The following GPR135 variants were observed in gnomAD, a reference collection of about 807,000 sequenced individuals.
GPR135 encodes G-protein coupled receptor 135.
Under a neutral mutation model 15.0 loss-of-function variants are expected in GPR135, and 17 were observed. The ratio of observed to expected loss-of-function variants is 1.13; its 90% confidence interval spans 0.78 to 1.70. GPR135 has a LOEUF of 1.70. GPR135 is among the 40% of genes most tolerant of loss of function. The pLI is 0.00. For synonymous variants in GPR135, 368 were observed against 349.4 expected (o/e 1.05, Z -0.59); for missense variants, 776 against 727.0 (o/e 1.07, Z -0.78).
downstream of GPR135, among the ~76,000 whole-genome samples, chr14:59,458,589 A>T (rs1253133): frequency 0.022 from 3,288 of 151,864 alleles, 118 homozygotes; most frequent in African/African-American, 0.075. Context: ...ACTCTCTGAG[A>T]CATGGCTCTG....
At chr14:59,456,437 C>T (rs1888657436), downstream of GPR135, 1 of 152,192 alleles carries the variant, frequency 6.6e-6, no homozygotes, top group Non-Finnish European at 1.5e-5. Context: ...TCATGACTTA[C>T]CATTGGTTGT....
rs773281044 is a variant in GPR135, at chr14:59,464,312, G to T, written c.915C>A (p.Arg305=). 1 of 1,611,658 alleles carries T rather than the reference G, an allele frequency of 6.2e-7. No homozygotes were observed. Among genetic ancestry groups the T allele is most frequent in the Non-Finnish European group, 8.5e-7 (1 of 1,179,426 alleles). Residue 305 remains arginine, a synonymous_variant, in exon 1 of 1, where the codon CGC becomes CGA. Coordinates refer to ENST00000395116, the MANE Select transcript of GPR135 (RefSeq NM_022571.6). The stretch of plus-strand genomic sequence containing the variant: ...CCGGCCGCACGCGCACGTCCGACAG[G>T]CGCACCGTCTTGCAGATGTGGTAGT... The part of the protein sequence containing the change: ...FCHYHICKTV[R]LSDVRVRPVN...
At position 59,463,865 on chromosome 14, in the gene GPR135, T is replaced by C. The variant is rs1265783115; in HGVS notation, c.1362A>G (p.Ala454=). ...MSSSNPASGV[A]GDVAMWARKN... is the part of the protein sequence containing the mutation. The stretch of plus-strand genomic sequence containing the variant: ...TGCGGGCCCACATGGCCACGTCCCC[T>C]GCCACTCCGCTGGCCGGGTTGGAAG... The change falls in exon 1 of 1, where the codon GCA becomes GCG. Residue 454 remains alanine, a synonymous_variant. Coordinates refer to ENST00000395116, the MANE Select transcript of GPR135 (RefSeq NM_022571.6). 6.2e-7 allele frequency: 1 copy of C among 1,614,058 alleles called. No homozygotes were observed. The highest frequency in any genetic ancestry group is 8.5e-7 in the Non-Finnish European group (1 of 1,180,022).
chr14:59,464,280 G>T lies in GPR135; in HGVS notation c.947C>A (p.Thr316Asn), dbSNP rs1471542301. The stretch of plus-strand genomic sequence containing the variant: ...GAAGAAGCGCAGCACGCGCGCGTAG[G>T]TGTTCACCGGCCGCACGCGCACGTC... ...LSDVRVRPVN[T>N]YARVLRFFSE... Residue 316 changes from threonine to asparagine, a missense_variant, in exon 1 of 1, where the codon ACC becomes AAC. Thr to Asn is a moderately conservative substitution (Grantham distance 65). Coordinates refer to ENST00000395116, the MANE Select transcript of GPR135 (RefSeq NM_022571.6). 2.5e-6 allele frequency: 4 copies of T among 1,612,132 alleles called. No homozygotes were observed. Among genetic ancestry groups the T allele is most frequent in the East Asian group, 2.2e-5 (1 of 44,858 alleles).
Position 59,464,200 on chromosome 14 carries a change from A to C in GPR135, c.1027T>G (p.Cys343Gly), listed in dbSNP as rs755630618. Residue 343 changes from cysteine (C) to glycine (G), a missense_variant, in exon 1 of 1, where the codon TGC becomes GGC. Cys to Gly is a radical substitution (Grantham distance 159). Transcript: ENST00000395116. Reference protein sequence around the residue: ...VLIMIVFVICCWGPYCFLVLL... With the variant: ...VLIMIVFVICGWGPYCFLVLL... ...ACCAGGAAGCAGTAGGGCCCCCAGC[A>C]GCAGATGACGAAGACGATCATGATG... The C allele has an allele frequency of 2.5e-6, 4 of 1,610,608 alleles. No homozygotes were observed. The highest frequency in any genetic ancestry group is 3.4e-6 in the Non-Finnish European group (4 of 1,179,864).
In GPR135 at chr14:59,462,839, A is replaced by G. The variant is rs1888917702; in HGVS notation, c.*903T>C. On this transcript the variant is annotated 3_prime_UTR_variant, in exon 1 of 1. Coordinates refer to ENST00000395116, the MANE Select transcript of GPR135 (RefSeq NM_022571.6). Reference sequence around the variant, plus strand: ...TTCAATCAACTTGACTTCAAATTACATTTTTGGCTATATCCAAAAATCAAA... The same window carrying G: ...TTCAATCAACTTGACTTCAAATTACGTTTTTGGCTATATCCAAAAATCAAA... The G allele has an allele frequency of 6.6e-6, 1 of 152,220 alleles. No homozygotes were observed. The highest frequency in any genetic ancestry group is 2.4e-5 in the African/African-American group (1 of 41,474). 9.4% of individuals were successfully genotyped at this position (152,220 alleles called of 1,614,324 possible).
At chr14:59,457,894 T>A (rs1306055180), downstream of GPR135, among the ~76,000 whole-genome samples, 1 of 152,212 alleles carries the variant, frequency 6.6e-6, no homozygotes, top group Non-Finnish European at 1.5e-5. Flanking sequence ...ATGTCTCATA[T>A]ATTTATTGCT....
chr14:59,457,038 G>A (rs1287931488), downstream of GPR135, among the ~76,000 whole-genome samples: 2 of 152,168 alleles, frequency 1.3e-5, no homozygotes, highest in Non-Finnish European at 2.9e-5. Flanking sequence ...GTAGGCAAGA[G>A]ACTTTTAATG....
Position 59,465,080 on chromosome 14 carries a change from G to A in GPR135, c.147C>T (p.Thr49=), listed in dbSNP as rs907462422. 22 of 1,375,672 alleles carry A rather than the reference G, an allele frequency of 1.6e-5. No homozygotes were observed. The highest frequency in any genetic ancestry group is 1.7e-5 in the South Asian group (1 of 57,786). The allele number at this position is 1,375,672 out of a possible 1,614,324, so 85.2% of individuals were successfully genotyped here. The change falls in exon 1 of 1, where the codon ACC becomes ACT. Residue 49 remains threonine, a synonymous_variant. Coordinates refer to ENST00000395116, the MANE Select transcript of GPR135 (RefSeq NM_022571.6). ...CGTCGCTCAGGTTCCCCAGCGCCGCGGTCGCCACGGTGCTGAAGGAGAGCA... is the reference window on the plus strand; with the variant it reads ...CGTCGCTCAGGTTCCCCAGCGCCGCAGTCGCCACGGTGCTGAAGGAGAGCA... The part of the protein sequence containing the change: ...AAVLSFSTVA[T]AALGNLSDAS...
At chr14:59,457,445 A>T (rs1174396648), downstream of GPR135, among the ~76,000 whole-genome samples, 1 of 152,116 alleles carries the variant, frequency 6.6e-6, no homozygotes, top group East Asian at 1.9e-4. Context: ...TAGTCACATT[A>T]CACATATATT....
chr14:59,454,443 C>T (rs1888586508), intron 6 of GPR135, among the ~76,000 whole-genome samples: 1 of 152,060 alleles, frequency 6.6e-6, no homozygotes, highest in South Asian at 2.1e-4. Context: ...CATTTGTGAC[C>T]TATTCTGTGA....
downstream of GPR135, chr14:59,460,701 T>G (rs1888822963): frequency 6.6e-6 from 1 of 152,236 alleles, no homozygotes; most frequent in Admixed American, 6.5e-5. Flanking sequence ...CTGTTATTAT[T>G]TCCACCCAAA....
chr14:59,456,874 G>GA (rs1485743815), downstream of GPR135, among the ~76,000 whole-genome samples: 2 of 151,936 alleles, frequency 1.3e-5, no homozygotes, highest in Admixed American at 6.6e-5. Flanking sequence ...ATTGTTAAAT[G>GA]AAAAAAATCA....
chr14:59,452,991 C>T (rs991709179), intron 6 of GPR135, among the ~76,000 whole-genome samples: 9 of 152,158 alleles, frequency 5.9e-5, no homozygotes, highest in African/African-American at 1.9e-4. Flanking sequence ...AGGCTTCCTA[C>T]GGTATGATTC....
At chr14:59,460,666 C>T (rs1239106256), downstream of GPR135, 1 of 152,194 alleles carries the variant, frequency 6.6e-6, no homozygotes, top group East Asian at 1.9e-4. Flanking sequence ...GCTAATGCAC[C>T]TACTATACAG....
chr14:59,464,267 C>A lies in GPR135; in HGVS notation c.960G>T (p.Val320=), dbSNP rs1366876210. 4 of 1,612,090 alleles carry A rather than the reference C, an allele frequency of 2.5e-6. No homozygotes were observed. Among genetic ancestry groups the A allele is most frequent in the Non-Finnish European group, 3.4e-6 (4 of 1,179,908 alleles). ...TGCGCACCTCGCTGAAGAAGCGCAGCACGCGCGCGTAGGTGTTCACCGGCC... is the reference window on the plus strand; with the variant it reads ...TGCGCACCTCGCTGAAGAAGCGCAGAACGCGCGCGTAGGTGTTCACCGGCC... ...RVRPVNTYAR[V]LRFFSEVRTA... The change falls in exon 1 of 1, where the codon GTG becomes GTT. Residue 320 remains valine (V), a synonymous_variant. Coordinates refer to ENST00000395116, the MANE Select transcript of GPR135 (RefSeq NM_022571.6).
chr14:59,460,914 T>G lies in GPR135; in HGVS notation c.*2828A>C, dbSNP rs1355420067. The G allele has an allele frequency of 6.6e-6, 1 of 152,228 alleles. No individual in the cohort carries two copies. The highest frequency in any genetic ancestry group is 1.5e-5 in the Non-Finnish European group (1 of 68,034). 9.4% of individuals were successfully genotyped at this position (152,228 alleles called of 1,614,324 possible). On this transcript the variant is annotated 3_prime_UTR_variant, in exon 1 of 1. Coordinates refer to ENST00000395116, the MANE Select transcript of GPR135 (RefSeq NM_022571.6). ...TTTGAGAATCATTCTTTCTTCACCT[T>G]TTGAGGTATTGATTGTCTAAGTATT...
chr14:59,457,404 T>G (rs112722112), downstream of GPR135, among the ~76,000 whole-genome samples: 313 of 152,272 alleles, frequency 2.1e-3, 1 homozygote, highest in African/African-American at 6.7e-3. Context: ...TTCAAATACT[T>G]TTTCTGCTCT....
downstream of GPR135, among the ~76,000 whole-genome samples, chr14:59,458,634 T>C (rs1888747740): frequency 1.3e-5 from 2 of 151,794 alleles, no homozygotes; most frequent in Non-Finnish European, 2.9e-5. Context: ...CTGCTTCTTT[T>C]GGAATGGTTG....
Sources: allele counts gnomAD v4.1 joint callset (sites outside exome capture counted in the v4.1 genomes callset), GRCh38; gene constraint gnomAD v4.1.1; transcripts MANE v1.5; gene names NCBI Gene and HGNC (gene_info 2026-07-23, HGNC 2026-07-21).